DCP2: variants seen among roughly 807,000 people sequenced by gnomAD.
The protein encoded by DCP2 is m7GpppN-mRNA hydrolase.
A neutral mutation model predicts 56.1 loss-of-function variants in DCP2; 30 were observed. That is an observed-to-expected ratio of 0.53 (90% CI 0.40 to 0.73). The LOEUF (loss-of-function observed/expected upper bound fraction) is 0.73. Ranked by LOEUF, DCP2 falls within the 30% of genes least tolerant of loss-of-function variation. The pLI is 0.00. For missense variants in DCP2, 533 were observed against 502.7 expected, an observed-to-expected ratio of 1.06 and a Z score of -0.58; for synonymous variants, 197 against 163.3, an observed-to-expected ratio of 1.21 and a Z score of -1.57.
At chr5:112,985,762 A>G in intron 1 of DCP2, 73 bp from the exon 2 acceptor site, 1 of 1,537,302 alleles carries the variant, frequency 6.5e-7, no homozygotes, top group African/African-American at 1.4e-5. Context: ...TCAGGTATGA[A>G]GCACTTAAAT....
intron 7 of DCP2, among the ~76,000 whole-genome samples, chr5:113,002,610 T>C (rs1243949870): frequency 2.0e-5 from 3 of 152,060 alleles, no homozygotes; most frequent in African/African-American, 7.2e-5. Flanking sequence ...AGCCTTGACC[T>C]CCTGGACTCA....
intron 1 of DCP2, among the ~76,000 whole-genome samples, chr5:112,980,882 T>G (rs1399425506): frequency 6.6e-6 from 1 of 152,130 alleles, no homozygotes. Context: ...TTTATCAACT[T>G]TCTATATTGA....
At chr5:112,987,457 G>A (rs915327622) in intron 2 of DCP2, among the ~76,000 whole-genome samples, 16 of 151,434 alleles carry the variant, frequency 1.1e-4, no homozygotes, top group Admixed American at 2.6e-4. Context: ...TATTCCCCCC[G>A]CCCGCCCGAC....
chr5:112,984,388 T>A (rs920972981), intron 1 of DCP2: 1 of 152,114 alleles, frequency 6.6e-6, no homozygotes, highest in Middle Eastern at 3.2e-3. Flanking sequence ...TGCATTTGAC[T>A]TGAGTTGTAT....
intron 4 of DCP2, among the ~76,000 whole-genome samples, chr5:113,000,866 C>G (rs1749144958): frequency 2.0e-5 from 3 of 152,194 alleles, no homozygotes. Context: ...GACTGGTTCT[C>G]TATATACCAT....
intron 2 of DCP2, among the ~76,000 whole-genome samples, chr5:112,988,870 T>A (rs1412754465): frequency 6.6e-6 from 1 of 152,228 alleles, no homozygotes; most frequent in East Asian, 1.9e-4. Context: ...TAGGGCAACT[T>A]TACATACTTT....
chr5:112,978,020 C>T (rs1274031102), intron 1 of DCP2, among the ~76,000 whole-genome samples: 6 of 151,928 alleles, frequency 3.9e-5, no homozygotes, highest in Non-Finnish European at 8.8e-5. Context: ...TTCTTTTGCC[C>T]AGGCTGGTGT....
At chr5:113,013,232 C>G (rs1330475218) in intron 10 of DCP2, 89 bp from the exon 11 acceptor site, 3 of 1,367,884 alleles carry the variant, frequency 2.2e-6, no homozygotes, top group Non-Finnish European at 2.0e-6. Flanking sequence ...ATACTCAAAA[C>G]TAATTGTTTT....
rs138902567 is a variant in DCP2 at position 113,018,642 on chromosome 5, T to A, written c.*5158T>A. 5.1e-4 allele frequency: 77 copies of A among 152,380 alleles called. No individual in the cohort carries two copies. Among genetic ancestry groups the A allele is most frequent in the African/African-American group, 1.8e-3 (73 of 41,568 alleles). 9.4% of individuals were successfully genotyped at this position (152,380 alleles called of 1,614,324 possible). On this transcript the variant is annotated 3_prime_UTR_variant, in exon 11 of 11. Transcript: ENST00000389063. ...GTTTTCTGCTTTTTGGTGGAAGGTTTCCTGCAGGTGGTTGGGTGGTTTTTG... is the reference window on the plus strand; with the variant it reads ...GTTTTCTGCTTTTTGGTGGAAGGTTACCTGCAGGTGGTTGGGTGGTTTTTG...
rs1750131637 is a variant in DCP2, at chr5:113,021,497, G to A, written c.*8013G>A. 6.6e-6 allele frequency among the ~76,000 whole-genome samples: 1 copy of A among 151,758 alleles called. No individual in the cohort carries two copies. Among genetic ancestry groups the A allele is most frequent in the Admixed American group, 6.6e-5 (1 of 15,230 alleles). The stretch of plus-strand genomic sequence containing the variant: ...GCTTTAAAGCAAGATTATAGTGTAG[G>A]GCTTGAGATGTGAATTCATTAGATA... On this transcript the variant is annotated 3_prime_UTR_variant, in exon 11 of 11. Transcript: ENST00000389063.
chr5:112,992,288 T>C (rs1280867150), intron 3 of DCP2, 40 bp downstream of exon 3: 2 of 1,581,278 alleles, frequency 1.3e-6, no homozygotes, highest in Non-Finnish European at 1.7e-6. Flanking sequence ...GAAATGGTGA[T>C]CGTTAATCTG....
At chr5:112,985,050 T>C (rs1472753079) in intron 1 of DCP2, among the ~76,000 whole-genome samples, 1 of 152,106 alleles carries the variant, frequency 6.6e-6, no homozygotes, top group Non-Finnish European at 1.5e-5. Context: ...TGGACTTGAA[T>C]CTGTCTCTAA....
At chr5:112,987,308 A>T (rs1488755364) in intron 2 of DCP2, among the ~76,000 whole-genome samples, 1 of 152,206 alleles carries the variant, frequency 6.6e-6, no homozygotes, top group Non-Finnish European at 1.5e-5. Flanking sequence ...TTGAAAAAGG[A>T]TAGCTCAATA....
chr5:112,998,244 T>C (rs1285628550), intron 4 of DCP2, among the ~76,000 whole-genome samples: 3 of 152,220 alleles, frequency 2.0e-5, no homozygotes, highest in African/African-American at 4.8e-5. Flanking sequence ...ATTGTACTAC[T>C]TCCTCCCTTG....
chr5:113,002,153 T>G lies in DCP2; in HGVS notation c.806+479T>G, dbSNP rs557132880. ...AAAAAAATTTCCCAGCAAGGGACAG[T>G]GGCTCACGCCTGTAATTCCAGCACT... On this transcript the variant is annotated intron_variant, in intron 7 of 10. Coordinates refer to ENST00000389063, the MANE Select transcript of DCP2 (RefSeq NM_152624.6). Among the ~76,000 whole-genome samples the G allele has an allele frequency of 2.6e-5, 4 of 152,314 alleles. No individual in the cohort carries two copies. In the East Asian group the frequency reaches 7.7e-4, roughly 29 times the overall value.
intron 1 of DCP2, 38 bp downstream of exon 1, chr5:112,977,024 T>C (rs1343105692): frequency 1.4e-6 from 2 of 1,460,038 alleles, no homozygotes; most frequent in Non-Finnish European, 1.8e-6. Context: ...CCCCGTCGGG[T>C]TTTCTCAGTT....
intron 10 of DCP2, among the ~76,000 whole-genome samples, chr5:113,012,574 A>T (rs541035829): frequency 1.3e-5 from 2 of 152,142 alleles, no homozygotes; most frequent in Admixed American, 6.5e-5. Context: ...GGGGGGAAAA[A>T]ATCCCAGATA....
intron 10 of DCP2, among the ~76,000 whole-genome samples, chr5:113,012,022 G>T (rs997653832): frequency 6.6e-6 from 1 of 152,164 alleles, no homozygotes; most frequent in Non-Finnish European, 1.5e-5. Flanking sequence ...CTTCTTAATA[G>T]GATTTTTTTC....
chr5:113,008,887 A>G lies in DCP2; in HGVS notation c.1047+845A>G, dbSNP rs1749558389. Among the ~76,000 whole-genome samples, 7 of 151,718 alleles carry G rather than the reference A, an allele frequency of 4.6e-5. No individual in the cohort carries two copies. In the South Asian group the frequency reaches 1.5e-3, roughly 32 times the overall value. On this transcript the variant is annotated intron_variant, in intron 9 of 10. Transcript: ENST00000389063. ...TGAGATTGAGTCTCTCTCTGTCACC[A>G]AGCTGGATTGCAGTGGCACGATCTC...
Sources: gnomAD v4.1 joint callset for allele counts (sites outside exome capture counted in the v4.1 genomes callset) on GRCh38, gnomAD v4.1.1 for gene constraint, MANE v1.5 for transcripts, NCBI Gene and HGNC (gene_info 2026-07-23, HGNC 2026-07-21) for gene names.